CELSR1: variants seen among roughly 807,000 people sequenced by gnomAD.
The protein encoded by CELSR1 is adhesion G protein-coupled receptor C1.
CELSR1 carries 110 observed loss-of-function variants against 249.1 expected under a neutral mutation model. The observed-to-expected ratio is 0.44, with a 90% CI of 0.38 to 0.52. The LOEUF (loss-of-function observed/expected upper bound fraction) is 0.52, where lower values mean the gene tolerates loss of function less well. CELSR1 is among the 20% of genes least tolerant of loss of function. CELSR1 has a pLI of 0.00. For synonymous variants in CELSR1, 2,113 were observed against 1,900.0 expected (o/e 1.11, Z -2.92); for missense variants, 4,109 against 4,296.4 (o/e 0.96, Z 1.22).
intron 2 of CELSR1, among the ~76,000 whole-genome samples, chr22:46,456,906 G>C (rs933127096): frequency 1.6e-5 from 2 of 124,492 alleles, no homozygotes; most frequent in African/African-American, 5.9e-5. Flanking sequence ...CGGGGGGTGG[G>C]GGGCTCATAC....
At position 46,535,165 on chromosome 22, in the gene CELSR1, G is replaced by A. The variant is rs1474769954; in HGVS notation, c.2006C>T (p.Ser669Phe). 1.9e-6 allele frequency: 3 copies of A among 1,609,720 alleles called. No individual in the cohort carries two copies. Among genetic ancestry groups the A allele is most frequent in the Non-Finnish European group, 2.5e-6 (3 of 1,179,688 alleles). Residue 669 changes from serine to phenylalanine, a missense_variant, in exon 1 of 35, where the codon TCC (serine) becomes TTC (phenylalanine). Ser to Phe is a radical substitution (Grantham distance 155). Transcript: ENST00000674500. ...CACCGTGATGGACACGCTGGTGGAG[G>A]AGCTCATGGGGGGCGAGCCGTGGTC... ...AVDHGSPPMS[S>F]STSVSITVLD... is the part of the protein sequence containing the mutation.
Position 46,535,475 on chromosome 22 carries a change from C to A in CELSR1, c.1696G>T (p.Val566Leu). ...LDVNDNEPIF[V>L]SSPFQATVLE... is the part of the protein sequence containing the mutation. Reference sequence around the variant, plus strand: ...ACCGTGGCCTGGAAGGGGCTGCTCACAAAGATAGGCTCGTTGTCGTTGACA... The same window carrying A: ...ACCGTGGCCTGGAAGGGGCTGCTCAAAAAGATAGGCTCGTTGTCGTTGACA... Residue 566 changes from valine (V) to leucine (L), a missense_variant, in exon 1 of 35, where the codon GTG becomes TTG. Physicochemically the swap from Val to Leu is conservative, Grantham distance 32. Coordinates refer to ENST00000674500, the MANE Select transcript of CELSR1 (RefSeq NM_001378328.1). 1 of 1,611,610 alleles carries A rather than the reference C, an allele frequency of 6.2e-7. No homozygotes were observed. Among genetic ancestry groups the A allele is most frequent in the South Asian group, 1.1e-5 (1 of 90,918 alleles).
chr22:46,459,311 T>C (rs554664440), intron 2 of CELSR1, among the ~76,000 whole-genome samples: 141 of 152,202 alleles, frequency 9.3e-4, no homozygotes, highest in Non-Finnish European at 1.2e-3. Context: ...AGGTCAGGTT[T>C]CTTGTGGGGA....
intron 1 of CELSR1, among the ~76,000 whole-genome samples, chr22:46,528,979 T>C (rs890331061): frequency 4.9e-5 from 7 of 141,968 alleles, no homozygotes; most frequent in South Asian, 4.5e-4. Context: ...AAGAATGAGA[T>C]CCTGGGCCGG....
At chr22:46,377,981 CA>C (rs530219278) in intron 23 of CELSR1, among the ~76,000 whole-genome samples, 291 of 152,368 alleles carry the variant, frequency 1.9e-3, no homozygotes, top group African/African-American at 6.5e-3. Context: ...CAGGGTCCCA[CA>C]CAGGCCATGG....
At chr22:46,515,570 C>T (rs959498353) in intron 1 of CELSR1, among the ~76,000 whole-genome samples, 2 of 152,130 alleles carry the variant, frequency 1.3e-5, no homozygotes, top group Admixed American at 6.6e-5. Flanking sequence ...CAGGGCACCC[C>T]GGGGGCTGGA....
chr22:46,405,105 G>A (rs527485370), intron 9 of CELSR1, among the ~76,000 whole-genome samples: 97 of 151,858 alleles, frequency 6.4e-4, no homozygotes, highest in African/African-American at 2.0e-3. Flanking sequence ...GATTACAGGC[G>A]TGAGCCACTG....
At chr22:46,456,355 C>G (rs2079948964) in intron 2 of CELSR1, among the ~76,000 whole-genome samples, 1 of 152,172 alleles carries the variant, frequency 6.6e-6, no homozygotes, top group African/African-American at 2.4e-5. Flanking sequence ...AAGCCCATGA[C>G]TCTGATAAGA....
In CELSR1 at chr22:46,365,693, G is replaced by A; in HGVS notation, c.8301-4C>T. ...GAGCTTCTGGATCCCTTCATCCCTA[G>A]AGAGGCCAGGGAGGGTGGGCTCAGT... On this transcript the variant is annotated splice_polypyrimidine_tract_variant and splice_region_variant and intron_variant, in intron 30 of 34. Transcript: ENST00000674500. The A allele has an allele frequency of 1.9e-6, 3 of 1,566,836 alleles. No homozygotes were observed. The highest frequency in any genetic ancestry group is 2.6e-6 in the Non-Finnish European group (3 of 1,155,378).
rs766043019 is a variant in CELSR1 at position 46,391,291 on chromosome 22, G to C, written c.6149-4C>G. 1.9e-6 allele frequency: 3 copies of C among 1,612,908 alleles called. No individual in the cohort carries two copies. Among genetic ancestry groups the C allele is most frequent in the Admixed American group, 3.3e-5 (2 of 59,998 alleles). ...TTGGGACAGCCATTGTAGATCACTG[G>C]GGTAGAGAAGAGAGAAGTCTGCTCA... On this transcript the variant is annotated splice_polypyrimidine_tract_variant and splice_region_variant and intron_variant, in intron 15 of 34. Transcript: ENST00000674500. The surrounding 1 kb of genome is among the most constrained non-coding windows in gnomAD (Gnocchi z 4.3).
At chr22:46,383,649 C>T (rs2079002415) in intron 20 of CELSR1, among the ~76,000 whole-genome samples, 1 of 152,166 alleles carries the variant, frequency 6.6e-6, no homozygotes, top group South Asian at 2.1e-4. Flanking sequence ...GCCTCAGCCT[C>T]CTGAGTAGGT....
In CELSR1 at chr22:46,407,845, T is replaced by C. The variant is rs907978055; in HGVS notation, c.5226+1151A>G. Among the ~76,000 whole-genome samples the C allele has an allele frequency of 2.0e-5, 3 of 152,162 alleles. No homozygotes were observed. The highest frequency in any genetic ancestry group is 2.0e-4 in the Admixed American group (3 of 15,284). ...CCAGTGAGTTTTCAGAGCTAGACCC[T>C]GATCAGAAAGGGTCACAGCAGCTGG... On this transcript the variant is annotated intron_variant, in intron 9 of 34. Transcript: ENST00000674500. This position sits in a 1 kb window ranked among gnomAD's most constrained non-coding sequence, Gnocchi z 4.8.
At chr22:46,481,576 C>T in intron 1 of CELSR1, 1 of 840,028 alleles carries the variant, frequency 1.2e-6, no homozygotes, top group Non-Finnish European at 2.0e-6. Context: ...CACATGGTGG[C>T]ACTCGATGCA....
At chr22:46,387,952 G>A (rs910000085) in intron 18 of CELSR1, among the ~76,000 whole-genome samples, 14 of 152,164 alleles carry the variant, frequency 9.2e-5, no homozygotes, top group Admixed American at 2.0e-4. Context: ...CATGTGGACA[G>A]CTCCTCCGAG....
intron 1 of CELSR1, among the ~76,000 whole-genome samples, chr22:46,478,835 A>G (rs1223047892): frequency 6.6e-6 from 1 of 151,576 alleles, no homozygotes; most frequent in African/African-American, 2.4e-5. Flanking sequence ...TACAGGTGTG[A>G]GCCACCGTGC....
intron 1 of CELSR1, chr22:46,530,376 T>A (rs915230342): frequency 2.0e-5 from 3 of 149,506 alleles, no homozygotes; most frequent in South Asian, 2.1e-4. Flanking sequence ...TCATTATATA[T>A]AAATTGTTTT....
At chr22:46,424,074 A>T (rs369392024) in intron 5 of CELSR1, among the ~76,000 whole-genome samples, 38 of 149,542 alleles carry the variant, frequency 2.5e-4, no homozygotes, top group Non-Finnish European at 3.8e-4. Context: ...TTAAAAAAAA[A>T]TTTTTTTTTA....
Position 46,378,794 on chromosome 22 carries a change from C to T in CELSR1, c.7257-77G>A, listed in dbSNP as rs986674401. On this transcript the variant is annotated intron_variant, in intron 22 of 34. Transcript: ENST00000674500. ...GAGTCTGTAAAGGGCAGCCTTTGCC[C>T]AGCCCTGGGGGCTCCCAGGCCATCC... 5 of 1,534,864 alleles carry T rather than the reference C, an allele frequency of 3.3e-6. No homozygotes were observed. In the African/African-American group the frequency reaches 5.4e-5, roughly 17 times the overall value.
intron 1 of CELSR1, among the ~76,000 whole-genome samples, chr22:46,481,098 G>A (rs1486238964): frequency 6.6e-6 from 1 of 152,238 alleles, no homozygotes; most frequent in Non-Finnish European, 1.5e-5. Flanking sequence ...ACTTGGGCAT[G>A]GTGGTGCATG....
Sources: allele counts gnomAD v4.1 joint callset (sites outside exome capture counted in the v4.1 genomes callset), GRCh38; gene constraint gnomAD v4.1.1; non-coding constraint Gnocchi (gnomAD v3.1); transcripts MANE v1.5; gene names NCBI Gene and HGNC (gene_info 2026-07-23, HGNC 2026-07-21).